Variants in KIF16B observed in about 807,000 individuals in gnomAD.
KIF16B encodes the protein kinesin family member 16B.
In KIF16B, 98 loss-of-function variants were observed where a neutral mutation model predicts 156.3. That is an observed-to-expected ratio of 0.63 (90% CI 0.53 to 0.74). The LOEUF is 0.74. Ranked by LOEUF, KIF16B falls within the 30% of genes least tolerant of loss-of-function variation. The probability of loss-of-function intolerance (pLI) is 0.00; values close to 1 mark genes in which losing one functional copy is unlikely to be tolerated. For synonymous variants in KIF16B, 564 were observed against 583.7 expected, an observed-to-expected ratio of 0.97 and a Z score of 0.49; for missense variants, 1,421 against 1,606.5, an observed-to-expected ratio of 0.88 and a Z score of 1.97.
At chr20:16,330,466 A>C (rs948686681) in intron 24 of KIF16B, among the ~76,000 whole-genome samples, 2 of 152,244 alleles carry the variant, frequency 1.3e-5, no homozygotes, top group Non-Finnish European at 2.9e-5. Context: ...TTTTTCAGAA[A>C]GTCTTTAAGA....
At chr20:16,488,891 T>C (rs2068202363) in intron 12 of KIF16B, among the ~76,000 whole-genome samples, 1 of 152,228 alleles carries the variant, frequency 6.6e-6, no homozygotes, top group Non-Finnish European at 1.5e-5. Flanking sequence ...GAGCAGATTC[T>C]GAAGTGCTGG....
intron 15 of KIF16B, among the ~76,000 whole-genome samples, chr20:16,419,701 G>T (rs1486088961): frequency 6.6e-6 from 1 of 151,986 alleles, no homozygotes; most frequent in Non-Finnish European, 1.5e-5. Flanking sequence ...AAAATTAATT[G>T]CATTTAACAA....
chr20:16,546,868 C>T (rs2070426872), intron 1 of KIF16B, among the ~76,000 whole-genome samples: 1 of 152,082 alleles, frequency 6.6e-6, no homozygotes, highest in Non-Finnish European at 1.5e-5. Context: ...CTTCTGCCTG[C>T]CAGGTTCAAG....
rs112253986 is a variant in KIF16B, at chr20:16,494,618, G to T, written c.1243-268C>A. Among the ~76,000 whole-genome samples, 148 of 152,240 alleles carry T rather than the reference G, an allele frequency of 9.7e-4. 1 individual carries two copies. Among genetic ancestry groups the T allele is most frequent in the African/African-American group, 3.5e-3 (147 of 41,536 alleles). ...CTGCCTTTTTCATGGTGTACTTAAA[G>T]CAGCTCCCTTGGATTATTAACCAAA... On this transcript the variant is annotated intron_variant, in intron 11 of 25. Transcript: ENST00000354981.
chr20:16,273,516 C>T, intron 25 of KIF16B, 105 bp from the exon 26 acceptor site: 2 of 837,734 alleles, frequency 2.4e-6, no homozygotes, highest in Non-Finnish European at 3.9e-6. Flanking sequence ...CATGGAGAAA[C>T]CTCATCTCTA....
intron 15 of KIF16B, among the ~76,000 whole-genome samples, chr20:16,425,966 C>A (rs1280126934): frequency 1.3e-5 from 2 of 152,140 alleles, no homozygotes; most frequent in Non-Finnish European, 2.9e-5. Context: ...GGCATGTCTT[C>A]TCATGGAGAC....
chr20:16,380,689 G>A (rs1187675437), intron 18 of KIF16B, among the ~76,000 whole-genome samples: 1 of 152,164 alleles, frequency 6.6e-6, no homozygotes, highest in African/African-American at 2.4e-5. Flanking sequence ...GACAAATGGT[G>A]ATCACCAAAT....
intron 15 of KIF16B, among the ~76,000 whole-genome samples, chr20:16,411,403 T>C (rs1224294146): frequency 6.6e-6 from 1 of 152,144 alleles, no homozygotes; most frequent in African/African-American, 2.4e-5. Flanking sequence ...TATACTCTTC[T>C]GTAAGACATT....
At chr20:16,511,364 G>T in intron 6 of KIF16B, 54 bp downstream of exon 6, 3 of 984,600 alleles carry the variant, frequency 3.0e-6, no homozygotes, top group African/African-American at 1.6e-5. Context: ...CATTGAAAGT[G>T]TTATTTTTAC....
chr20:16,413,926 G>T (rs1036306911), intron 15 of KIF16B, among the ~76,000 whole-genome samples: 2 of 151,990 alleles, frequency 1.3e-5, no homozygotes, highest in Non-Finnish European at 2.9e-5. Context: ...TTCATTGCCT[G>T]ATTGAAGCAA....
At chr20:16,527,702 G>A (rs1173273033) in intron 2 of KIF16B, among the ~76,000 whole-genome samples, 1 of 151,996 alleles carries the variant, frequency 6.6e-6, no homozygotes, top group Non-Finnish European at 1.5e-5. Flanking sequence ...TCAGCCTCTC[G>A]AGTAGCTAGG....
Position 16,396,843 on chromosome 20 carries a change from C to A in KIF16B, c.1784+7970G>T, listed in dbSNP as rs79879995. ...ATGCTAACCAAACCCCCTCAGGCTG[C>A]TGCACTCCTTGGGATGATGCTCCTT... On this transcript the variant is annotated intron_variant, in intron 17 of 25. Transcript: ENST00000354981. 9.3e-3 allele frequency among the ~76,000 whole-genome samples: 1,412 copies of A among 152,188 alleles called. 19 individuals carry two copies. Among genetic ancestry groups the A allele is most frequent in the African/African-American group, 0.03 (1,241 of 41,518 alleles).
At chr20:16,340,001 C>T (rs944363464) in intron 23 of KIF16B, among the ~76,000 whole-genome samples, 22 of 152,086 alleles carry the variant, frequency 1.4e-4, no homozygotes, top group African/African-American at 5.3e-4. Context: ...TATGAAGCAT[C>T]CTCATAACAT....
chr20:16,365,535 G>A (rs1041508773), intron 22 of KIF16B, among the ~76,000 whole-genome samples: 1 of 152,118 alleles, frequency 6.6e-6, no homozygotes, highest in African/African-American at 2.4e-5. Flanking sequence ...ACCAGTCTGT[G>A]GATCGTAACA....
At chr20:16,420,515 G>A (rs1306382520) in intron 15 of KIF16B, among the ~76,000 whole-genome samples, 1 of 152,074 alleles carries the variant, frequency 6.6e-6, no homozygotes. Context: ...GCAATAAACT[G>A]GAAAGGGGTG....
intron 25 of KIF16B, among the ~76,000 whole-genome samples, chr20:16,309,078 G>C (rs887115664): frequency 2.1e-5 from 3 of 146,006 alleles, no homozygotes; most frequent in Non-Finnish European, 1.5e-5. Context: ...GCTGGGCCAG[G>C]ATGGCAGTGT....
At chr20:16,472,196 C>T (rs975401430) in intron 12 of KIF16B, among the ~76,000 whole-genome samples, 1 of 152,218 alleles carries the variant, frequency 6.6e-6, no homozygotes, top group African/African-American at 2.4e-5. Flanking sequence ...TTTCGTTCCA[C>T]CTCCACAGAG....
chr20:16,517,457 C>T (rs868451297), intron 3 of KIF16B, among the ~76,000 whole-genome samples: 4 of 152,158 alleles, frequency 2.6e-5, no homozygotes, highest in Non-Finnish European at 4.4e-5. Context: ...CTCATCAAAA[C>T]GCTACAGGGA....
chr20:16,502,858 G>C (rs2068664665), intron 10 of KIF16B, among the ~76,000 whole-genome samples: 1 of 152,136 alleles, frequency 6.6e-6, no homozygotes, highest in African/African-American at 2.4e-5. Context: ...ATAGTAATTT[G>C]AGTGATCCAA....
Sources: allele counts gnomAD v4.1 joint callset (sites outside exome capture counted in the v4.1 genomes callset), GRCh38; gene constraint gnomAD v4.1.1; transcripts MANE v1.5; gene names NCBI Gene and HGNC (gene_info 2026-07-23, HGNC 2026-07-21).